The following SORCS2 variants were observed in gnomAD, a reference collection of about 807,000 sequenced individuals.
SORCS2 encodes sortilin related VPS10 domain containing receptor 2.
Under a neutral mutation model 141.6 loss-of-function variants are expected in SORCS2, and 100 were observed. The ratio of observed to expected loss-of-function variants is 0.71; its 90% CI spans 0.60 to 0.83. SORCS2 has a LOEUF of 0.83. Among genes scored for constraint, SORCS2 ranks in the 40% least tolerant of loss-of-function variants. The pLI is 0.00. For missense variants in SORCS2, 1,646 were observed against 1,560.2 expected (o/e 1.05, Z -0.93); for synonymous variants, 789 against 676.9 (o/e 1.17, Z -2.57).
At chr4:7,536,832 TG>T (rs367859799) in intron 3 of SORCS2, among the ~76,000 whole-genome samples, 864 of 6,110 alleles carry the variant, frequency 0.14, 19 homozygotes, top group African/African-American at 0.19. Flanking sequence ...TACTCAGATG[TG>T]GGGGGGGGGG....
intron 1 of SORCS2, among the ~76,000 whole-genome samples, chr4:7,288,550 C>CG (rs1427564951): frequency 2.7e-3 from 60 of 22,058 alleles, no homozygotes; most frequent in African/African-American, 0.013. Flanking sequence ...CTCCCAGGGG[C>CG]GGGGGGCGGG....
chr4:7,260,122 C>T (rs895297068), intron 1 of SORCS2, among the ~76,000 whole-genome samples: 3 of 152,166 alleles, frequency 2.0e-5, no homozygotes, highest in African/African-American at 4.8e-5. Flanking sequence ...TTTCAGAACT[C>T]GGCAGCCAAG....
intron 1 of SORCS2, among the ~76,000 whole-genome samples, chr4:7,273,027 T>C (rs545744949): frequency 6.6e-6 from 1 of 152,266 alleles, no homozygotes; most frequent in Admixed American, 6.5e-5. Context: ...GGCTGCAGGG[T>C]TGTTTCTGAG....
At chr4:7,343,586 G>A (rs1452711680) in intron 1 of SORCS2, among the ~76,000 whole-genome samples, 2 of 152,214 alleles carry the variant, frequency 1.3e-5, no homozygotes, top group Non-Finnish European at 2.9e-5. Flanking sequence ...CAGCCACTGA[G>A]AGCTCAGGCT....
chr4:7,399,515 G>T (rs1724434788), intron 2 of SORCS2, among the ~76,000 whole-genome samples: 1 of 152,196 alleles, frequency 6.6e-6, no homozygotes, highest in African/African-American at 2.4e-5. Context: ...TGGCTTCCCT[G>T]ATGATCCAGT....
At chr4:7,706,477 CT>C (rs1404978073) in intron 14 of SORCS2, among the ~76,000 whole-genome samples, 1 of 135,298 alleles carries the variant, frequency 7.4e-6, no homozygotes, top group African/African-American at 2.9e-5. Flanking sequence ...TGGGCTCTGC[CT>C]GGACAGAGAT....
chr4:7,459,048 G>A (rs1729115637), intron 2 of SORCS2, among the ~76,000 whole-genome samples: 1 of 152,046 alleles, frequency 6.6e-6, no homozygotes, highest in African/African-American at 2.4e-5. Flanking sequence ...GCGTGGCAAA[G>A]GCCACGTCCT....
At chr4:7,585,662 TTG>T (rs1214046485) in intron 3 of SORCS2, among the ~76,000 whole-genome samples, 1 of 152,248 alleles carries the variant, frequency 6.6e-6, no homozygotes, top group Non-Finnish European at 1.5e-5. Context: ...ACCATTTTCA[TTG>T]TTTTATGCGA....
chr4:7,198,196 A>G (rs1727277614), intron 1 of SORCS2, among the ~76,000 whole-genome samples: 1 of 152,138 alleles, frequency 6.6e-6, no homozygotes, highest in Non-Finnish European at 1.5e-5. Flanking sequence ...GGCTGGGCGC[A>G]CAGGACGTGG....
chr4:7,451,487 A>G (rs1728463968), intron 2 of SORCS2, among the ~76,000 whole-genome samples: 1 of 152,248 alleles, frequency 6.6e-6, no homozygotes, highest in Non-Finnish European at 1.5e-5. Flanking sequence ...TGCTGGGAAT[A>G]CCCAGCTCTC....
chr4:7,709,259 G>C (rs944183395), intron 14 of SORCS2, among the ~76,000 whole-genome samples: 1 of 152,170 alleles, frequency 6.6e-6, no homozygotes, highest in Non-Finnish European at 1.5e-5. Flanking sequence ...AGCCTTCTCC[G>C]GGCCTCAGCT....
intron 2 of SORCS2, among the ~76,000 whole-genome samples, chr4:7,506,892 A>G (rs1396103700): frequency 6.6e-6 from 1 of 152,232 alleles, no homozygotes; most frequent in East Asian, 1.9e-4. Flanking sequence ...GGTAAGTGCC[A>G]TAAATTAAAA....
intron 8 of SORCS2, among the ~76,000 whole-genome samples, chr4:7,673,147 G>T (rs950710759): frequency 1.3e-5 from 2 of 152,088 alleles, no homozygotes; most frequent in Non-Finnish European, 2.9e-5. Flanking sequence ...ACTCTAATCA[G>T]CAAATATTTT....
intron 3 of SORCS2, among the ~76,000 whole-genome samples, chr4:7,593,473 C>T (rs17465228): frequency 6.6e-6 from 1 of 152,022 alleles, no homozygotes; most frequent in African/African-American, 2.4e-5. Flanking sequence ...GTCCATCTAG[C>T]AAGGGCCATG....
At chr4:7,403,077 T>C (rs1198232923) in intron 2 of SORCS2, among the ~76,000 whole-genome samples, 1 of 152,174 alleles carries the variant, frequency 6.6e-6, no homozygotes, top group Non-Finnish European at 1.5e-5. Context: ...TGTTTTGCCA[T>C]ACCACATTCA....
At chr4:7,474,113 C>T (rs1489601983) in intron 2 of SORCS2, among the ~76,000 whole-genome samples, 1 of 152,188 alleles carries the variant, frequency 6.6e-6, no homozygotes, top group Admixed American at 6.5e-5. Context: ...TGTCTTTGCT[C>T]ACCCCCGTGT....
intron 1 of SORCS2, among the ~76,000 whole-genome samples, chr4:7,206,484 G>A (rs1267785062): frequency 3.9e-5 from 6 of 152,160 alleles, no homozygotes; most frequent in Admixed American, 2.0e-4. Context: ...GCCCACTGCC[G>A]GCTCCACGAG....
intron 6 of SORCS2, among the ~76,000 whole-genome samples, chr4:7,662,726 C>G (rs1722255065): frequency 6.6e-6 from 1 of 152,258 alleles, no homozygotes; most frequent in Non-Finnish European, 1.5e-5. Context: ...CCACTGTCCA[C>G]AGCTCTTTTC....
At chr4:7,673,890 T>C (rs1722938687) in intron 8 of SORCS2, among the ~76,000 whole-genome samples, 1 of 152,174 alleles carries the variant, frequency 6.6e-6, no homozygotes, top group African/African-American at 2.4e-5. Context: ...CCTGACAATC[T>C]GACTGCACGG....
Sources: allele counts gnomAD v4.1 joint callset (sites outside exome capture counted in the v4.1 genomes callset), GRCh38; gene constraint gnomAD v4.1.1; transcripts MANE v1.5; gene names NCBI Gene and HGNC (gene_info 2026-07-23, HGNC 2026-07-21).